The following KIDINS220 variants were observed in gnomAD, a reference collection of about 807,000 sequenced individuals.
KIDINS220 encodes kinase D-interacting substrate of 220 kDa.
In KIDINS220, 63 loss-of-function variants were observed where a neutral mutation model predicts 157.6. The ratio of observed to expected loss-of-function variants is 0.40; its 90% CI spans 0.33 to 0.49. The LOEUF is 0.49. KIDINS220 is among the 20% of genes least tolerant of loss of function. The pLI, the probability that KIDINS220 is intolerant of heterozygous loss-of-function variation, is 0.66. For synonymous variants in KIDINS220, 732 were observed against 783.6 expected (o/e 0.93, Z 1.10); for missense variants, 1,772 against 2,171.2 (o/e 0.82, Z 3.65).
Position 8,751,609 on chromosome 2 carries a change from T to C in KIDINS220, c.3047A>G (p.Glu1016Gly). The change falls in exon 23 of 30, where the codon GAG becomes GGG. Residue 1016 changes from glutamate (E) to glycine (G), a missense_variant. Transcript: ENST00000256707. ...SKNIPTTKDV[E>G]PLLEIDGDIR... is the part of the protein sequence containing the mutation. Reference sequence around the variant, plus strand: ...ATCTCCATCAATTTCAAGAAGTGGCTCAACATCCTTAGTTGTTGGAATATT... The same window carrying C: ...ATCTCCATCAATTTCAAGAAGTGGCCCAACATCCTTAGTTGTTGGAATATT... 1 of 1,606,886 alleles carries C rather than the reference T, an allele frequency of 6.2e-7. No individual in the cohort carries two copies. The highest frequency in any genetic ancestry group is 1.1e-5 in the South Asian group (1 of 89,536).
chr2:8,750,066 C>T, intron 24 of KIDINS220, 46 bp downstream of exon 24: 2 of 1,527,012 alleles, frequency 1.3e-6, no homozygotes, highest in Non-Finnish European at 1.8e-6. Flanking sequence ...ACTGAGGTTT[C>T]CCTGTAACAA....
At position 8,781,153 on chromosome 2, in the gene KIDINS220, A is replaced by ATATATATATATAATAT. The variant is rs70946383; in HGVS notation, c.2230-1340_2230-1339insATATTATATATATATA. On this transcript the variant is annotated intron_variant, in intron 17 of 29. Coordinates refer to ENST00000256707, the MANE Select transcript of KIDINS220 (RefSeq NM_020738.4). The stretch of plus-strand genomic sequence containing the variant: ...ACTATATTAATTATTATATATATAT[A>ATATATATATATAATAT]ATATATATATATTAAAGGGGGGCAT... Among the ~76,000 whole-genome samples the ATATATATATATAATAT allele has an allele frequency of 2.0e-3, 267 of 130,390 alleles. 1 individual carries two copies. The highest frequency in any genetic ancestry group is 7.2e-3 in the African/African-American group (252 of 35,194). The allele number at this position is 130,390 out of a possible 152,430, so 85.5% of individuals were successfully genotyped here. A position where few individuals can be genotyped will look rare whatever the true frequency, so the allele number is the denominator to read the frequency against.
intron 4 of KIDINS220, among the ~76,000 whole-genome samples, chr2:8,814,301 A>T (rs1208223053): frequency 6.6e-6 from 1 of 152,212 alleles, no homozygotes; most frequent in Admixed American, 6.5e-5. Flanking sequence ...TTAAGTATGG[A>T]GCATCTTAAA....
At position 8,816,872 on chromosome 2, in the gene KIDINS220, T is replaced by C. The variant is rs531204661; in HGVS notation, c.306+746A>G. Among the ~76,000 whole-genome samples the C allele has an allele frequency of 3.9e-5, 6 of 152,332 alleles. 1 individual carries two copies. The East Asian group carries it at 1.2e-3, about 29-fold the overall frequency. On this transcript the variant is annotated intron_variant, in intron 4 of 29. Coordinates refer to ENST00000256707, the MANE Select transcript of KIDINS220 (RefSeq NM_020738.4). ...TTAGTTTTGAGAACAAATATAAGAT[T>C]ATACAGGTTGAACTACTGTGAAATT...
At chr2:8,812,370 A>T in intron 6 of KIDINS220, 25 bp downstream of exon 6, 1 of 1,363,208 alleles carries the variant, frequency 7.3e-7, no homozygotes, top group South Asian at 1.3e-5. Context: ...ATGGACTGGA[A>T]CCTGAAAAGA....
intron 29 of KIDINS220, among the ~76,000 whole-genome samples, chr2:8,732,491 T>C (rs72786314): frequency 0.014 from 2,072 of 152,342 alleles, 34 homozygotes; most frequent in Non-Finnish European, 0.019. Context: ...AGGCCAATAG[T>C]TGGGCCTTAG....
downstream of KIDINS220, chr2:8,725,224 T>C (rs779917150): frequency 5.9e-5 from 9 of 152,222 alleles, no homozygotes; most frequent in South Asian, 4.1e-4. Flanking sequence ...AGTCTATAAA[T>C]TCTCACAAAC....
Position 8,731,835 on chromosome 2 carries a change from G to A in KIDINS220, c.4201C>T (p.Pro1401Ser). 1.2e-6 allele frequency: 2 copies of A among 1,614,016 alleles called. No individual in the cohort carries two copies. Among genetic ancestry groups the A allele is most frequent in the Non-Finnish European group, 1.7e-6 (2 of 1,180,010 alleles). The change falls in exon 30 of 30, where the codon CCC becomes TCC. Residue 1401 changes from proline (P) to serine (S), a missense_variant. Pro to Ser is a moderately conservative substitution (Grantham distance 74, BLOSUM62 -1). Coordinates refer to ENST00000256707, the MANE Select transcript of KIDINS220 (RefSeq NM_020738.4). The surrounding 1 kb of genome is among the most constrained non-coding windows in gnomAD (Gnocchi z 5.2). ...IAQMSQLEGG[P>S]GSTTISGRSS... Reference sequence around the variant, plus strand: ...CTGCCACTAATGGTTGTAGACCCGGGGCCCCCTTCTAACTGGGACATCTGA... The same window carrying A: ...CTGCCACTAATGGTTGTAGACCCGGAGCCCCCTTCTAACTGGGACATCTGA...
intron 27 of KIDINS220, 54 bp from the exon 28 acceptor site, chr2:8,734,807 G>T: frequency 7.8e-7 from 1 of 1,279,406 alleles, no homozygotes; most frequent in Non-Finnish European, 1.1e-6. Flanking sequence ...GAAATATTCT[G>T]AATTACTAGT....
In KIDINS220 at chr2:8,779,002, G is replaced by C; in HGVS notation, c.2508C>G (p.Asn836Lys). 6.2e-7 allele frequency: 1 copy of C among 1,614,148 alleles called. No individual in the cohort carries two copies. Among genetic ancestry groups the C allele is most frequent in the Non-Finnish European group, 8.5e-7 (1 of 1,180,024 alleles). The part of the protein sequence containing the change: ...SNINGHDYMR[N>K]IVHLPVFLNS... ...TAAGGAACACAGGCAAGTGGACTAT[G>C]TTGCGCATGTAGTCATGGCCATTTA... Residue 836 changes from asparagine to lysine, a missense_variant, in exon 19 of 30, where the codon AAC (asparagine) becomes AAG (lysine). Asn to Lys is a moderately conservative substitution (Grantham distance 94). Around this residue, in one of 3 missense-constraint regions of KIDINS220, gnomAD observed 725 missense variants for 1,017.1 expected, o/e 0.71. Transcript: ENST00000256707.
rs142756699 is a variant in KIDINS220 at position 8,777,846 on chromosome 2, C to T, written c.2703+793G>A. Among the ~76,000 whole-genome samples, 389 of 152,274 alleles carry T rather than the reference C, an allele frequency of 2.6e-3. 2 individuals carry two copies. Among genetic ancestry groups the T allele is most frequent in the African/African-American group, 8.6e-3 (358 of 41,538 alleles). On this transcript the variant is annotated intron_variant, in intron 20 of 29. Coordinates refer to ENST00000256707, the MANE Select transcript of KIDINS220 (RefSeq NM_020738.4). The stretch of plus-strand genomic sequence containing the variant: ...GAAATTAAAAATGGTAAGTTATATG[C>T]GCCTCTGAATTTAGTGCTGTCAACT...
intron 20 of KIDINS220, 59 bp from the exon 21 acceptor site, chr2:8,776,951 C>A: frequency 2.0e-6 from 3 of 1,528,612 alleles, no homozygotes; most frequent in Non-Finnish European, 2.6e-6. Context: ...GAACTTAAGG[C>A]TTTTTGAGAT....
In KIDINS220 at chr2:8,731,837, C is replaced by A. The variant is rs748238512; in HGVS notation, c.4199G>T (p.Gly1400Val). ...YIAQMSQLEG[G>V]PGSTTISGRS... ...GCCACTAATGGTTGTAGACCCGGGG[C>A]CCCCTTCTAACTGGGACATCTGAGC... Residue 1400 changes from glycine to valine, a missense_variant, in exon 30 of 30, where the codon GGC (glycine) becomes GTC (valine). Physicochemically the swap from Gly to Val is moderately radical, Grantham distance 109. Transcript: ENST00000256707. This position sits in a 1 kb window ranked among gnomAD's most constrained non-coding sequence, Gnocchi z 5.2. 55 of 1,614,102 alleles carry A rather than the reference C, an allele frequency of 3.4e-5. No homozygotes were observed. The South Asian group carries it at 5.9e-4, about 17-fold the overall frequency.
At chr2:8,835,659 C>CAA (rs56986834) in intron 1 of KIDINS220, among the ~76,000 whole-genome samples, 85 of 87,132 alleles carry the variant, frequency 9.8e-4, no homozygotes, top group African/African-American at 2.7e-3. Flanking sequence ...GACCCTGTCT[C>CAA]AAAAAAAAAA....
Position 8,766,849 on chromosome 2 carries a change from T to TA in KIDINS220, c.3011+3820dup, listed in dbSNP as rs1171285467. The stretch of plus-strand genomic sequence containing the variant: ...GATTTAAAGATACATCAAAATAAGC[T>TA]AAAAAATTATGCCCTTCACCTTTAT... On this transcript the variant is annotated intron_variant, in intron 22 of 29. Coordinates refer to ENST00000256707, the MANE Select transcript of KIDINS220 (RefSeq NM_020738.4). 3.3e-5 allele frequency among the ~76,000 whole-genome samples: 5 copies of TA among 152,182 alleles called. No homozygotes were observed. The South Asian group carries it at 6.2e-4, about 19-fold the overall frequency.
intron 1 of KIDINS220, among the ~76,000 whole-genome samples, chr2:8,835,531 T>C (rs1680273346): frequency 6.6e-6 from 1 of 151,808 alleles, no homozygotes. Flanking sequence ...ATACAACAGA[T>C]ATGAACAGAA....
intron 27 of KIDINS220, 64 bp downstream of exon 27, chr2:8,736,804 C>T: frequency 6.4e-7 from 1 of 1,564,420 alleles, no homozygotes; most frequent in Non-Finnish European, 8.7e-7. Flanking sequence ...GTTTACACGA[C>T]CCACACAGTC....
At position 8,730,480 on chromosome 2, in the gene KIDINS220, G is replaced by C. The variant is rs1349041327; in HGVS notation, c.*240C>G. ...TTATGGGGTAATGCGCCAATGAAAG[G>C]TACAGTAGTATTAGTGAGTTCTGAA... On this transcript the variant is annotated 3_prime_UTR_variant, in exon 30 of 30. Coordinates refer to ENST00000256707, the MANE Select transcript of KIDINS220 (RefSeq NM_020738.4). 2.9e-6 allele frequency: 4 copies of C among 1,377,338 alleles called. No homozygotes were observed. The Admixed American group carries it at 1.3e-4, about 45-fold the overall frequency. 85.3% of individuals were successfully genotyped at this position (1,377,338 alleles called of 1,614,324 possible).
chr2:8,768,129 A>G (rs1006352760), intron 22 of KIDINS220, among the ~76,000 whole-genome samples: 1 of 152,208 alleles, frequency 6.6e-6, no homozygotes, highest in African/African-American at 2.4e-5. Flanking sequence ...TCTGCTTTAA[A>G]TGCCAGAAAT....
Sources: allele counts gnomAD v4.1 joint callset (sites outside exome capture counted in the v4.1 genomes callset), GRCh38; gene constraint gnomAD v4.1.1; regional missense constraint gnomAD v4.1.1; non-coding constraint Gnocchi (gnomAD v3.1); transcripts MANE v1.5; gene names NCBI Gene and HGNC (gene_info 2026-07-23, HGNC 2026-07-21).